EIF4E: variants seen among roughly 807,000 people sequenced by gnomAD.
EIF4E encodes eukaryotic translation initiation factor 4E.
For synonymous variants in EIF4E, 71 were observed against 88.5 expected (o/e 0.80, Z 1.11); for missense variants, 113 against 265.6 (o/e 0.43, Z 3.99).
chr4:98,917,127 C>CA (rs1418551348), intron 1 of EIF4E, among the ~76,000 whole-genome samples: 7 of 68,784 alleles, frequency 1.0e-4, no homozygotes, highest in African/African-American at 1.5e-4. Flanking sequence ...CACACACACA[C>CA]ACACACAAAA....
At chr4:98,911,464 A>G (rs1725128183) in intron 1 of EIF4E, among the ~76,000 whole-genome samples, 1 of 149,628 alleles carries the variant, frequency 6.7e-6, no homozygotes, top group Non-Finnish European at 1.5e-5. Flanking sequence ...GTTTGAGACC[A>G]GCCTGACCAA....
chr4:98,885,366 A>C (rs1723869746), intron 5 of EIF4E, among the ~76,000 whole-genome samples: 1 of 152,252 alleles, frequency 6.6e-6, no homozygotes, highest in South Asian at 2.1e-4. Context: ...AACAAATATT[A>C]ATAGAATAAT....
rs367905663 is a variant in EIF4E at position 98,896,151 on chromosome 4, G to A, written c.126-4819C>T. Among the ~76,000 whole-genome samples, 18 of 146,388 alleles carry A rather than the reference G, an allele frequency of 1.2e-4. No individual in the cohort carries two copies. In the South Asian group the frequency reaches 2.5e-3, roughly 20 times the overall value. ...GCGGAGGTTGCAGTGAGCCGAGATC[G>A]CACCACTGCACTCCAGCCTGGTGAC... On this transcript the variant is annotated intron_variant, in intron 2 of 6. Coordinates refer to ENST00000450253, the MANE Select transcript of EIF4E (RefSeq NM_001968.5).
At position 98,879,861 on chromosome 4, in the gene EIF4E, AT is replaced by A. The variant is rs1190940896; in HGVS notation, c.*1166del. On this transcript the variant is annotated 3_prime_UTR_variant, in exon 7 of 7. Coordinates refer to ENST00000450253, the MANE Select transcript of EIF4E (RefSeq NM_001968.5). ...TAAAAAAACAAAGATAGCCACATCA[AT>A]TTAATTCCATATATATGATACTACC... 1 of 152,206 alleles carries A rather than the reference AT, an allele frequency of 6.6e-6. No individual in the cohort carries two copies. The highest frequency in any genetic ancestry group is 1.5e-5 in the Non-Finnish European group (1 of 68,010). 9.4% of individuals were successfully genotyped at this position (152,206 alleles called of 1,614,324 possible).
intron 2 of EIF4E, among the ~76,000 whole-genome samples, chr4:98,899,938 A>G (rs1724577349): frequency 6.6e-6 from 1 of 152,066 alleles, no homozygotes; most frequent in Non-Finnish European, 1.5e-5. Flanking sequence ...TTACACAAAA[A>G]GTAGAATTTA....
At chr4:98,891,862 G>T (rs1048695235) in intron 2 of EIF4E, among the ~76,000 whole-genome samples, 2 of 152,182 alleles carry the variant, frequency 1.3e-5, no homozygotes, top group Non-Finnish European at 2.9e-5. Flanking sequence ...GGCAAATAAT[G>T]AGAGTTCTCC....
intron 1 of EIF4E, among the ~76,000 whole-genome samples, chr4:98,916,316 G>A (rs1725383045): frequency 6.7e-6 from 1 of 149,574 alleles, no homozygotes; most frequent in Non-Finnish European, 1.5e-5. Context: ...AGAGAAGGAG[G>A]ATGGGAGGGA....
chr4:98,889,147 G>A (rs1166687652), intron 3 of EIF4E, among the ~76,000 whole-genome samples: 2 of 143,976 alleles, frequency 1.4e-5, no homozygotes, highest in Non-Finnish European at 3.0e-5. Flanking sequence ...GACAGAGCTA[G>A]ACTCCATCTC....
intron 1 of EIF4E, among the ~76,000 whole-genome samples, chr4:98,911,895 T>C (rs1254117361): frequency 2.7e-5 from 4 of 150,846 alleles, no homozygotes; most frequent in Non-Finnish European, 5.9e-5. Flanking sequence ...AGGCTAATGA[T>C]AAAATTTAAA....
At chr4:98,926,190 A>T (rs1725857674) in intron 1 of EIF4E, 1 of 152,062 alleles carries the variant, frequency 6.6e-6, no homozygotes, top group Non-Finnish European at 1.5e-5. Flanking sequence ...CCAACTATTT[A>T]AAACTGTCAA....
chr4:98,913,099 G>A (rs191436489), intron 1 of EIF4E, among the ~76,000 whole-genome samples: 1,751 of 151,828 alleles, frequency 0.012, 11 homozygotes, highest in Non-Finnish European at 0.02. Context: ...TCCCAGCTAC[G>A]TGGGAGGCTG....
At chr4:98,924,077 G>GT (rs201322206) in intron 1 of EIF4E, among the ~76,000 whole-genome samples, 181 of 143,668 alleles carry the variant, frequency 1.3e-3, no homozygotes, top group African/African-American at 2.5e-3. Flanking sequence ...AACTTCTTTT[G>GT]TTTATTTTTT....
At chr4:98,913,376 G>T (rs1725236398) in intron 1 of EIF4E, among the ~76,000 whole-genome samples, 1 of 151,694 alleles carries the variant, frequency 6.6e-6, no homozygotes, top group South Asian at 2.1e-4. Context: ...TATTACTTAG[G>T]CTGGAGTGCA....
chr4:98,915,309 TA>T (rs750049777), intron 1 of EIF4E, among the ~76,000 whole-genome samples: 50 of 144,642 alleles, frequency 3.5e-4, no homozygotes, highest in East Asian at 6.0e-4. Context: ...AGGATATGGT[TA>T]AAAAAAAAAA....
chr4:98,919,356 A>C (rs1271620049), intron 1 of EIF4E, among the ~76,000 whole-genome samples: 1 of 151,484 alleles, frequency 6.6e-6, no homozygotes, highest in African/African-American at 2.4e-5. Flanking sequence ...ACAAAAAAAA[A>C]CATTAACCCA....
chr4:98,905,816 G>A (rs1346768533), intron 1 of EIF4E, among the ~76,000 whole-genome samples: 4 of 152,182 alleles, frequency 2.6e-5, no homozygotes, highest in African/African-American at 7.2e-5. Flanking sequence ...AAGCAAGGGT[G>A]AGAAAAGTCT....
intron 2 of EIF4E, among the ~76,000 whole-genome samples, chr4:98,899,793 T>C (rs1724572470): frequency 6.6e-6 from 1 of 152,158 alleles, no homozygotes; most frequent in Non-Finnish European, 1.5e-5. Context: ...CATTTAATAC[T>C]TCTGGAATAC....
intron 1 of EIF4E, among the ~76,000 whole-genome samples, chr4:98,915,020 T>C (rs184238725): frequency 1.3e-5 from 2 of 152,340 alleles, no homozygotes; most frequent in East Asian, 1.9e-4. Flanking sequence ...CACAGCTCAC[T>C]GAAGTCTCGA....
intron 1 of EIF4E, among the ~76,000 whole-genome samples, chr4:98,904,938 T>C (rs1724804256): frequency 6.6e-6 from 1 of 152,022 alleles, no homozygotes; most frequent in East Asian, 1.9e-4. Context: ...TGATGTGAAA[T>C]ACCATAAAAA....
Sources: gnomAD v4.1 joint callset for allele counts (sites outside exome capture counted in the v4.1 genomes callset) on GRCh38, gnomAD v4.1.1 for gene constraint, MANE v1.5 for transcripts, NCBI Gene and HGNC (gene_info 2026-07-23, HGNC 2026-07-21) for gene names.